Variants in ADAMTS2 observed in about 807,000 individuals in gnomAD.
ADAMTS2 encodes ADAM metallopeptidase with thrombospondin type 1 motif 2.
In ADAMTS2, 50 loss-of-function variants were observed where a neutral mutation model predicts 123.0. The observed-to-expected ratio is 0.41, with a 90% CI of 0.32 to 0.51. The LOEUF (loss-of-function observed/expected upper bound fraction) is 0.51, where lower values mean the gene tolerates loss of function less well. Among genes scored for constraint, ADAMTS2 ranks in the 20% least tolerant of loss-of-function variants. ADAMTS2 has a pLI of 0.35. For missense variants in ADAMTS2, 1,494 were observed against 1,705.2 expected (o/e 0.88, Z 2.18); for synonymous variants, 678 against 695.4 (o/e 0.98, Z 0.39).
intron 5 of ADAMTS2, among the ~76,000 whole-genome samples, chr5:179,168,336 GCCTGAA>G (rs1763747578): frequency 6.6e-6 from 1 of 152,190 alleles, no homozygotes; most frequent in East Asian, 1.9e-4. Flanking sequence ...AGGACAAGGA[GCCTGAA>G]GCTGGTGCTC....
At position 179,345,324 on chromosome 5, in the gene ADAMTS2, T is replaced by G; in HGVS notation, c.5A>C (p.Asp2Ala). The change falls in exon 1 of 22, where the codon GAT becomes GCT. Residue 2 changes from aspartate (D) to alanine (A), a missense_variant. Around this residue, in one of 6 missense-constraint regions of ADAMTS2, gnomAD observed 237 missense variants for 233.7 expected, o/e 1.01. Transcript: ENST00000251582. This position sits in a 1 kb window ranked among gnomAD's most constrained non-coding sequence, Gnocchi z 7.5. ...GCGGCGAGCGGCTCCCGCCGGCGGA[T>G]CCATGGCAGCCGGACTGCAGCCGGG... M[D>A]PPAGAARRLL... 1 of 1,130,716 alleles carries G rather than the reference T, an allele frequency of 8.8e-7. No individual in the cohort carries two copies. Among genetic ancestry groups the G allele is most frequent in the Non-Finnish European group, 1.1e-6 (1 of 923,956 alleles). 70.0% of individuals were successfully genotyped at this position (1,130,716 alleles called of 1,614,324 possible).
rs1319720222 is a variant in ADAMTS2, at chr5:179,115,953, C to T, written c.3179-1629G>A. Among the ~76,000 whole-genome samples, 1 of 152,068 alleles carries T rather than the reference C, an allele frequency of 6.6e-6. No homozygotes were observed. The highest frequency in any genetic ancestry group is 1.5e-5 in the Non-Finnish European group (1 of 68,006). ...CCTGAAGCTTCAGACTTGCTACAAG[C>T]CAAATCCACCAAGGGCCTGTGGGTC... On this transcript the variant is annotated intron_variant, in intron 21 of 21. Coordinates refer to ENST00000251582, the MANE Select transcript of ADAMTS2 (RefSeq NM_014244.5). The surrounding 1 kb of genome is among the most constrained non-coding windows in gnomAD (Gnocchi z 4.4).
At chr5:179,326,281 G>A (rs997984156) in intron 2 of ADAMTS2, among the ~76,000 whole-genome samples, 2 of 151,792 alleles carry the variant, frequency 1.3e-5, no homozygotes. Flanking sequence ...GGCGGGAAGA[G>A]CTAGAGGACC....
At chr5:179,172,687 G>A (rs759972252) in intron 5 of ADAMTS2, among the ~76,000 whole-genome samples, 1 of 152,214 alleles carries the variant, frequency 6.6e-6, no homozygotes, top group Non-Finnish European at 1.5e-5. Context: ...CAGAGATGAC[G>A]TGCCAAGGGA....
rs1316874351 is a variant in ADAMTS2, at chr5:179,256,698, G to A, written c.688+16213C>T. ...AGGGGTTGTGTTCGCCCATCCAGAG[G>A]AGGCACAGAGCCTCCCACCCAGTGC... On this transcript the variant is annotated intron_variant, in intron 3 of 21. Transcript: ENST00000251582. The surrounding 1 kb of genome is among the most constrained non-coding windows in gnomAD (Gnocchi z 4.1). Among the ~76,000 whole-genome samples, 1 of 152,226 alleles carries A rather than the reference G, an allele frequency of 6.6e-6. No homozygotes were observed. Among genetic ancestry groups the A allele is most frequent in the Non-Finnish European group, 1.5e-5 (1 of 68,042 alleles).
In ADAMTS2 at chr5:179,345,266, C is replaced by T; in HGVS notation, c.63G>A (p.Leu21=). Reference sequence around the variant, plus strand: ...GCGGCAGGAGCGGCGGCGGCAGCAGCAGCAGCAGCAGCAGCAGCGCGGGGC... The same window carrying T: ...GCGGCAGGAGCGGCGGCGGCAGCAGTAGCAGCAGCAGCAGCAGCGCGGGGC... The part of the protein sequence containing the change: ...LLCPALLLLL[L]LLPPPLLPPP... The change falls in exon 1 of 22, where the codon CTG becomes CTA. Residue 21 remains leucine (L), a synonymous_variant. Coordinates refer to ENST00000251582, the MANE Select transcript of ADAMTS2 (RefSeq NM_014244.5). This position sits in a 1 kb window ranked among gnomAD's most constrained non-coding sequence, Gnocchi z 7.5. The T allele has an allele frequency of 8.6e-7, 1 of 1,156,130 alleles. No individual in the cohort carries two copies. The highest frequency in any genetic ancestry group is 1.1e-6 in the Non-Finnish European group (1 of 944,162). 71.6% of individuals were successfully genotyped at this position (1,156,130 alleles called of 1,614,324 possible).
chr5:179,213,256 C>T (rs67436679), intron 3 of ADAMTS2, among the ~76,000 whole-genome samples: 43,156 of 152,092 alleles, frequency 0.28, 6,320 homozygotes, highest in Non-Finnish European at 0.33. Flanking sequence ...TATTTCATCC[C>T]AAATTGAAAT....
chr5:179,296,092 C>T (rs559181159), intron 2 of ADAMTS2, among the ~76,000 whole-genome samples: 14 of 152,246 alleles, frequency 9.2e-5, no homozygotes, highest in Admixed American at 6.5e-4. Flanking sequence ...GTGCCTCGGA[C>T]GATGCAGTGA....
Position 179,158,933 on chromosome 5 carries a change from TG to T in ADAMTS2, c.976-55del, listed in dbSNP as rs1343385116. 2 of 1,599,522 alleles carry T rather than the reference TG, an allele frequency of 1.3e-6. No homozygotes were observed. The highest frequency in any genetic ancestry group is 1.7e-6 in the Non-Finnish European group (2 of 1,172,866). On this transcript the variant is annotated intron_variant, in intron 5 of 21. Transcript: ENST00000251582. This position sits in a 1 kb window ranked among gnomAD's most constrained non-coding sequence, Gnocchi z 5.0. ...GAGAGGTTGGCGCCTGGTGGCCCAGTGGGGGGCCGAGCAGGCTGTAGTGTTG... is the reference window on the plus strand; with the variant it reads ...GAGAGGTTGGCGCCTGGTGGCCCAGTGGGGGCCGAGCAGGCTGTAGTGTTG...
rs191780846 is a variant in ADAMTS2 at position 179,325,743 on chromosome 5, G to A, written c.534+18024C>T. ...GAGGGCGGCTGAGCTGAAACCGTGC[G>A]GGAGGCCTGGGCTGCCGCCCTGAGC... On this transcript the variant is annotated intron_variant, in intron 2 of 21. Transcript: ENST00000251582. 2.8e-3 allele frequency among the ~76,000 whole-genome samples: 430 copies of A among 152,376 alleles called. 1 individual carries two copies. Among genetic ancestry groups the A allele is most frequent in the African/African-American group, 9.5e-3 (397 of 41,604 alleles).
rs1054586627 is a variant in ADAMTS2, at chr5:179,344,065, G to A, written c.236C>T (p.Thr79Met). 1.9e-6 allele frequency: 3 copies of A among 1,611,696 alleles called. No individual in the cohort carries two copies. Among genetic ancestry groups the A allele is most frequent in the Admixed American group, 1.7e-5 (1 of 59,972 alleles). Residue 79 changes from threonine (T) to methionine (M), a missense_variant, in exon 2 of 22, where the codon ACG becomes ATG. Physicochemically the swap from Thr to Met is moderately conservative, Grantham distance 81. This residue lies in a region of ADAMTS2 where 237 missense variants were observed against 233.7 expected (regional missense o/e 1.01). Transcript: ENST00000251582. The part of the protein sequence containing the change: ...RLVSHVVSAA[T>M]SRAGVRARRA... Reference sequence around the variant, plus strand: ...GCGGGCTCGTACCCCTGCTCTGGACGTAGCTGCCGACACCACGTGGGACAC... The same window carrying A: ...GCGGGCTCGTACCCCTGCTCTGGACATAGCTGCCGACACCACGTGGGACAC...
intron 3 of ADAMTS2, among the ~76,000 whole-genome samples, chr5:179,269,264 T>C (rs1283776815): frequency 2.6e-5 from 4 of 152,194 alleles, no homozygotes; most frequent in Non-Finnish European, 5.9e-5. Context: ...TGAGATTCAT[T>C]TCAGACTTCT....
At chr5:179,269,777 C>G (rs1477866395) in intron 3 of ADAMTS2, among the ~76,000 whole-genome samples, 3 of 152,214 alleles carry the variant, frequency 2.0e-5, no homozygotes, top group Admixed American at 2.0e-4. Context: ...TACCCCAGCA[C>G]AGTGTCCCTG....
rs1041168071 is a variant in ADAMTS2 at position 179,137,703 on chromosome 5, C to A, written c.1951+66G>T. 10 of 1,509,952 alleles carry A rather than the reference C, an allele frequency of 6.6e-6. 1 individual carries two copies. Among genetic ancestry groups the A allele is most frequent in the Middle Eastern group, 2.3e-4 (1 of 4,320 alleles). The allele number at this position is 1,509,952 out of a possible 1,614,324, so 93.5% of individuals were successfully genotyped here. ...CCCCATGCAGGATCAGAGGCACAAG[C>A]CCCCACCCTGCCCACCCTAGGGCCT... On this transcript the variant is annotated intron_variant, in intron 12 of 21. Coordinates refer to ENST00000251582, the MANE Select transcript of ADAMTS2 (RefSeq NM_014244.5).
At position 179,181,163 on chromosome 5, in the gene ADAMTS2, A is replaced by T. The variant is rs1764039791; in HGVS notation, c.892-8T>A. On this transcript the variant is annotated splice_polypyrimidine_tract_variant and splice_region_variant and intron_variant, in intron 4 of 21. Coordinates refer to ENST00000251582, the MANE Select transcript of ADAMTS2 (RefSeq NM_014244.5). The surrounding 1 kb of genome is among the most constrained non-coding windows in gnomAD (Gnocchi z 4.1). ...ATGGTAGATTTCATTGACCTGAAAG[A>T]AACAGGGAGGCATCAGCGGGAACCA... The T allele has an allele frequency of 1.9e-6, 3 of 1,610,584 alleles. No individual in the cohort carries two copies. In the South Asian group the frequency reaches 3.3e-5, roughly 18 times the overall value.
chr5:179,137,463 C>G (rs1338922108), intron 12 of ADAMTS2, among the ~76,000 whole-genome samples: 2 of 151,918 alleles, frequency 1.3e-5, no homozygotes, highest in Non-Finnish European at 2.9e-5. Flanking sequence ...CCACACAGCT[C>G]AAGCCTCGTC....
chr5:179,342,794 G>A lies in ADAMTS2; in HGVS notation c.534+973C>T, dbSNP rs554642916. On this transcript the variant is annotated intron_variant, in intron 2 of 21. Coordinates refer to ENST00000251582, the MANE Select transcript of ADAMTS2 (RefSeq NM_014244.5). ...GCTGTGTGCCAGGCCCCGGGCAGCC[G>A]GACAGAGCACCGCCAATGTCAGCCT... 1.6e-4 allele frequency among the ~76,000 whole-genome samples: 24 copies of A among 152,318 alleles called. No homozygotes were observed. In the East Asian group the frequency reaches 2.7e-3, roughly 17 times the overall value.
At chr5:179,139,230 A>G (rs531568991) in intron 11 of ADAMTS2, among the ~76,000 whole-genome samples, 1 of 152,182 alleles carries the variant, frequency 6.6e-6, no homozygotes, top group South Asian at 2.1e-4. Flanking sequence ...GCGTTCAGGC[A>G]GGAGGAGACA....
chr5:179,254,591 G>A (rs537739763), intron 3 of ADAMTS2, among the ~76,000 whole-genome samples: 25 of 152,278 alleles, frequency 1.6e-4, no homozygotes, highest in African/African-American at 6.0e-4. Flanking sequence ...AAGAGGCCCA[G>A]ATGGGTGAAG....
Sources: gnomAD v4.1 joint callset for allele counts (sites outside exome capture counted in the v4.1 genomes callset) on GRCh38, gnomAD v4.1.1 for gene constraint, gnomAD v4.1.1 regional missense constraint, Gnocchi (gnomAD v3.1) non-coding constraint, MANE v1.5 for transcripts, NCBI Gene and HGNC (gene_info 2026-07-23, HGNC 2026-07-21) for gene names.